The following PHACTR1 variants were observed in gnomAD, a reference collection of about 807,000 sequenced individuals.
PHACTR1 encodes the protein phosphatase and actin regulator 1.
PHACTR1 carries 16 observed loss-of-function variants against 69.2 expected under a neutral mutation model. That is an observed-to-expected ratio of 0.23 (90% confidence interval 0.16 to 0.35). The LOEUF (loss-of-function observed/expected upper bound fraction) is 0.35, where lower values mean the gene tolerates loss of function less well. Among genes scored for constraint, PHACTR1 ranks in the 10% least tolerant of loss-of-function variants. PHACTR1 has a pLI of 1.00. For missense variants in PHACTR1, 510 were observed against 734.7 expected (o/e 0.69, Z 3.54); for synonymous variants, 312 against 284.5 (o/e 1.10, Z -0.97).
chr6:12,732,105 A>C (rs1256468689), intron 3 of PHACTR1, among the ~76,000 whole-genome samples: 1 of 151,362 alleles, frequency 6.6e-6, no homozygotes, highest in Non-Finnish European at 1.5e-5. Flanking sequence ...AACCTGCCCG[A>C]GTCTCCACGG....
At chr6:13,065,059 T>C (rs1239349626) in intron 5 of PHACTR1, among the ~76,000 whole-genome samples, 1 of 152,034 alleles carries the variant, frequency 6.6e-6, no homozygotes, top group Non-Finnish European at 1.5e-5. Flanking sequence ...GGAGCAGATT[T>C]GTGAGGGGAA....
chr6:12,877,629 C>G (rs1782672062), intron 4 of PHACTR1, among the ~76,000 whole-genome samples: 1 of 152,094 alleles, frequency 6.6e-6, no homozygotes, highest in African/African-American at 2.4e-5. Context: ...CTAGGTGTGC[C>G]CCGGGCTTCC....
At chr6:13,081,021 A>G (rs564006520) in intron 5 of PHACTR1, among the ~76,000 whole-genome samples, 11 of 152,332 alleles carry the variant, frequency 7.2e-5, no homozygotes, top group African/African-American at 2.6e-4. Context: ...CATGTTGAAT[A>G]ACCAATGGAT....
chr6:12,899,727 G>C (rs566881898), intron 4 of PHACTR1, among the ~76,000 whole-genome samples: 2 of 152,352 alleles, frequency 1.3e-5, no homozygotes, highest in East Asian at 3.9e-4. Context: ...TTCACATTCA[G>C]ATCAACTCTG....
intron 4 of PHACTR1, among the ~76,000 whole-genome samples, chr6:12,945,780 A>T (rs979697661): frequency 6.6e-5 from 10 of 152,022 alleles, no homozygotes; most frequent in Non-Finnish European, 1.0e-4. Flanking sequence ...CCGAGCCAAC[A>T]TGACAAAACC....
At chr6:12,842,991 T>A (rs1480101879) in intron 4 of PHACTR1, among the ~76,000 whole-genome samples, 1 of 152,186 alleles carries the variant, frequency 6.6e-6, no homozygotes, top group Non-Finnish European at 1.5e-5. Context: ...TTATCTACCC[T>A]TTATATGCTA....
In PHACTR1 at chr6:12,836,098, C is replaced by T. The variant is rs151040816; in HGVS notation, c.250+86308C>T. 6.9e-3 allele frequency among the ~76,000 whole-genome samples: 1,051 copies of T among 152,114 alleles called. 12 individuals are homozygous for T. The highest frequency in any genetic ancestry group is 0.024 in the Middle Eastern group (7 of 292). ...GTTGCAATGCTTTTGAACTGAGTAC[C>T]GAGGACTTTGTTTCAGCTTGAATTG... On this transcript the variant is annotated intron_variant, in intron 4 of 14. Coordinates refer to ENST00000332995, the MANE Select transcript of PHACTR1 (RefSeq NM_030948.6).
chr6:12,866,401 AC>A (rs1304492460), intron 4 of PHACTR1, among the ~76,000 whole-genome samples: 5 of 151,976 alleles, frequency 3.3e-5, no homozygotes, highest in African/African-American at 1.2e-4. Flanking sequence ...CCACCCTTCC[AC>A]CCACATCCCT....
At chr6:12,805,186 G>A (rs767841755) in intron 4 of PHACTR1, among the ~76,000 whole-genome samples, 13 of 152,162 alleles carry the variant, frequency 8.5e-5, no homozygotes, top group African/African-American at 1.4e-4. Context: ...TCATCTGTGC[G>A]TTGAAAATAT....
chr6:12,996,639 C>T (rs1396646348), intron 4 of PHACTR1, among the ~76,000 whole-genome samples: 1 of 152,060 alleles, frequency 6.6e-6, no homozygotes, highest in Non-Finnish European at 1.5e-5. Flanking sequence ...ATTCCAGAGA[C>T]TAAATATGTG....
chr6:12,936,247 G>A (rs959345331), intron 4 of PHACTR1, among the ~76,000 whole-genome samples: 3 of 152,086 alleles, frequency 2.0e-5, no homozygotes, highest in Non-Finnish European at 4.4e-5. Context: ...TCTTTATTCA[G>A]AATCAAACAT....
chr6:12,844,854 G>T (rs1439394768), intron 4 of PHACTR1, among the ~76,000 whole-genome samples: 1 of 152,230 alleles, frequency 6.6e-6, no homozygotes, highest in Non-Finnish European at 1.5e-5. Flanking sequence ...AAAGCAATCC[G>T]TGGGCCTAGA....
chr6:12,891,188 G>T (rs1305598661), intron 4 of PHACTR1, among the ~76,000 whole-genome samples: 1 of 152,014 alleles, frequency 6.6e-6, no homozygotes, highest in Non-Finnish European at 1.5e-5. Flanking sequence ...TTCTTGGGGG[G>T]ATAATATCAC....
intron 5 of PHACTR1, among the ~76,000 whole-genome samples, chr6:13,123,993 A>C (rs1238926306): frequency 6.6e-6 from 1 of 152,168 alleles, no homozygotes; most frequent in East Asian, 1.9e-4. Context: ...TTGCTATCTT[A>C]GCTGGGTGGG....
chr6:12,880,457 C>T (rs369354487), intron 4 of PHACTR1, among the ~76,000 whole-genome samples: 7 of 152,022 alleles, frequency 4.6e-5, no homozygotes, highest in Non-Finnish European at 7.4e-5. Flanking sequence ...GGTTTTGCCA[C>T]GTTGCCCAGG....
chr6:12,997,283 C>A, intron 4 of PHACTR1, among the ~76,000 whole-genome samples: 1 of 146,040 alleles, frequency 6.8e-6, no homozygotes. Flanking sequence ...TAGTAAATCT[C>A]TATATAAGTG....
intron 4 of PHACTR1, among the ~76,000 whole-genome samples, chr6:12,893,479 T>C (rs1372202271): frequency 6.6e-6 from 1 of 152,252 alleles, no homozygotes; most frequent in Non-Finnish European, 1.5e-5. Flanking sequence ...AGGTTTTAGA[T>C]ATATGCAAGA....
At chr6:12,914,658 T>G (rs948262853) in intron 4 of PHACTR1, among the ~76,000 whole-genome samples, 2 of 151,912 alleles carry the variant, frequency 1.3e-5, no homozygotes, top group Non-Finnish European at 2.9e-5. Flanking sequence ...AGGACCACCA[T>G]CCACTCAGTT....
At chr6:13,041,618 C>T (rs1804188682) in intron 4 of PHACTR1, among the ~76,000 whole-genome samples, 1 of 152,106 alleles carries the variant, frequency 6.6e-6, no homozygotes, top group Non-Finnish European at 1.5e-5. Context: ...TGTAAAGTTT[C>T]ATCAGGTTCT....
Sources: gnomAD v4.1 joint callset for allele counts (sites outside exome capture counted in the v4.1 genomes callset) on GRCh38, gnomAD v4.1.1 for gene constraint, MANE v1.5 for transcripts, NCBI Gene and HGNC (gene_info 2026-07-23, HGNC 2026-07-21) for gene names.